ZFHX3: variants seen among roughly 807,000 people sequenced by gnomAD.
ZFHX3 encodes zinc finger homeobox protein 3.
In ZFHX3, 42 loss-of-function variants were observed where a neutral mutation model predicts 279.1. That is an observed-to-expected ratio of 0.15 (90% CI 0.12 to 0.19). The LOEUF is 0.19. ZFHX3 is among the 10% of genes least tolerant of loss of function. The pLI is 1.00. For missense variants in ZFHX3, 4,981 were observed against 4,754.0 expected (o/e 1.05, Z -1.40); for synonymous variants, 2,293 against 1,957.8 (o/e 1.17, Z -4.52).
chr16:73,579,708 T>C (rs1029337621), intron 2 of ZFHX3, among the ~76,000 whole-genome samples: 7 of 150,190 alleles, frequency 4.7e-5, no homozygotes, highest in African/African-American at 1.7e-4. Flanking sequence ...TTCACCACGT[T>C]AGCCAGGATG....
chr16:73,087,093 C>G (rs530041401), intron 8 of ZFHX3, among the ~76,000 whole-genome samples: 37 of 152,082 alleles, frequency 2.4e-4, no homozygotes, highest in Non-Finnish European at 4.9e-4. Flanking sequence ...ATAGGTACAA[C>G]TATTATTTAT....
At chr16:73,812,284 ACT>A (rs1173394460) in intron 1 of ZFHX3, among the ~76,000 whole-genome samples, 5 of 151,678 alleles carry the variant, frequency 3.3e-5, no homozygotes, top group Admixed American at 6.6e-5. Context: ...TCCTGGAAAC[ACT>A]CTCACTTCCG....
intron 7 of ZFHX3, among the ~76,000 whole-genome samples, chr16:73,126,394 C>T (rs916762117): frequency 1.3e-5 from 2 of 152,046 alleles, no homozygotes; most frequent in Admixed American, 6.6e-5. Context: ...AAGGGCATTG[C>T]GCTGCTAGGG....
chr16:73,303,963 GAAAAAAA>G (rs201865011), intron 4 of ZFHX3, among the ~76,000 whole-genome samples: 104 of 76,128 alleles, frequency 1.4e-3, no homozygotes, highest in South Asian at 0.012. Context: ...ACCCTAGGTG[GAAAAAAA>G]AAAAAAAAAA....
At chr16:73,197,924 G>GGTTT (rs1968185031) in intron 5 of ZFHX3, among the ~76,000 whole-genome samples, 1 of 53,748 alleles carries the variant, frequency 1.9e-5, no homozygotes, top group Admixed American at 3.3e-4. Context: ...TGATTTGGTG[G>GGTTT]TTTTTTTTTT....
At chr16:72,838,899 A>AT (rs779346777) in intron 4 of ZFHX3, among the ~76,000 whole-genome samples, 1,493 of 146,080 alleles carry the variant, frequency 0.01, 26 homozygotes, top group African/African-American at 0.029. Context: ...TCACAGGAAG[A>AT]TTTTTTTTTT....
intron 5 of ZFHX3, among the ~76,000 whole-genome samples, chr16:73,173,953 C>A (rs1243197721): frequency 1.3e-5 from 2 of 152,222 alleles, no homozygotes; most frequent in East Asian, 3.9e-4. Flanking sequence ...TTAAAACATT[C>A]GGTCCCTGTT....
chr16:73,706,316 G>T (rs1164281035), intron 1 of ZFHX3, among the ~76,000 whole-genome samples: 1 of 151,872 alleles, frequency 6.6e-6, no homozygotes, highest in African/African-American at 2.4e-5. Flanking sequence ...CAAAAAATTA[G>T]CTGGGTGTCG....
chr16:73,870,699 A>T (rs1422814756), intron 1 of ZFHX3, among the ~76,000 whole-genome samples: 2 of 152,200 alleles, frequency 1.3e-5, no homozygotes, highest in Admixed American at 1.3e-4. Context: ...AATTAAGTTC[A>T]AAGTCAATTC....
intron 3 of ZFHX3, among the ~76,000 whole-genome samples, chr16:73,333,371 T>C (rs1203938483): frequency 6.6e-6 from 1 of 151,908 alleles, no homozygotes; most frequent in Non-Finnish European, 1.5e-5. Flanking sequence ...AGACACATAA[T>C]AGACAGAAAG....
chr16:73,544,908 G>C (rs1168653174), intron 2 of ZFHX3, among the ~76,000 whole-genome samples: 2 of 152,162 alleles, frequency 1.3e-5, no homozygotes, highest in Admixed American at 1.3e-4. Context: ...AGATACTAAA[G>C]TGCTAGTCGT....
chr16:73,820,835 T>C (rs755500194), intron 1 of ZFHX3, among the ~76,000 whole-genome samples: 9 of 151,768 alleles, frequency 5.9e-5, no homozygotes, highest in Non-Finnish European at 1.2e-4. Flanking sequence ...CTTCAATCTC[T>C]GGAAATCTCA....
intron 1 of ZFHX3, among the ~76,000 whole-genome samples, chr16:73,002,444 AT>A (rs1963533178): frequency 6.6e-6 from 1 of 152,106 alleles, no homozygotes; most frequent in Non-Finnish European, 1.5e-5. Flanking sequence ...GAATCGACAT[AT>A]CACATATCAC....
intron 1 of ZFHX3, among the ~76,000 whole-genome samples, chr16:73,857,982 G>T: frequency 6.6e-6 from 1 of 151,982 alleles, no homozygotes; most frequent in East Asian, 1.9e-4. Context: ...TGTAGTACCG[G>T]CTACTCGGGA....
At chr16:73,777,803 G>A (rs1302006487) in intron 1 of ZFHX3, among the ~76,000 whole-genome samples, 1 of 152,122 alleles carries the variant, frequency 6.6e-6, no homozygotes, top group Non-Finnish European at 1.5e-5. Context: ...GGCTCAGGCA[G>A]GTTACTGCCT....
At chr16:73,647,702 A>AT (rs1371274772) in intron 2 of ZFHX3, among the ~76,000 whole-genome samples, 3 of 152,162 alleles carry the variant, frequency 2.0e-5, no homozygotes, top group Non-Finnish European at 4.4e-5. Context: ...GAGATTAAAG[A>AT]TTTTCCAGTT....
At chr16:72,873,297 G>A (rs1489956826) in intron 4 of ZFHX3, among the ~76,000 whole-genome samples, 6 of 152,202 alleles carry the variant, frequency 3.9e-5, no homozygotes, top group Non-Finnish European at 8.8e-5. Context: ...TTCAATGCAA[G>A]AATGAAGGGG....
chr16:73,672,107 G>A (rs2052909759), intron 2 of ZFHX3, among the ~76,000 whole-genome samples: 2 of 151,894 alleles, frequency 1.3e-5, no homozygotes. Flanking sequence ...GATAGTTTAA[G>A]GACAGAGTAG....
chr16:73,686,530 G>C (rs1597066025), intron 1 of ZFHX3, among the ~76,000 whole-genome samples: 1 of 152,186 alleles, frequency 6.6e-6, no homozygotes, highest in Non-Finnish European at 1.5e-5. Context: ...ATTCTTGCAT[G>C]TTCTCTGAAT....
Sources: gnomAD v4.1 joint callset for allele counts (sites outside exome capture counted in the v4.1 genomes callset) on GRCh38, gnomAD v4.1.1 for gene constraint, MANE v1.5 for transcripts, NCBI Gene and HGNC (gene_info 2026-07-23, HGNC 2026-07-21) for gene names.